Variants in CAMTA1 observed in about 807,000 individuals in gnomAD.
CAMTA1 encodes the protein calmodulin-binding transcription activator 1.
Under a neutral mutation model 170.9 loss-of-function variants are expected in CAMTA1, and 27 were observed. The observed-to-expected ratio is 0.16, with a 90% confidence interval of 0.12 to 0.22. CAMTA1 has a LOEUF of 0.22. CAMTA1 is among the 10% of genes least tolerant of loss of function. The probability of loss-of-function intolerance (pLI) is 1.00; values close to 1 mark genes in which losing one functional copy is unlikely to be tolerated. For missense variants in CAMTA1, 1,619 were observed against 2,217.2 expected (o/e 0.73, Z 5.42); for synonymous variants, 833 against 891.5 (o/e 0.93, Z 1.17).
chr1:7,693,069 T>G (rs2096336408), intron 11 of CAMTA1: 2 of 152,302 alleles, frequency 1.3e-5, no homozygotes, highest in African/African-American at 4.8e-5. Context: ...GTGCAAGTGT[T>G]AATGTATCAG....
chr1:6,907,698 A>G (rs1678839248), intron 3 of CAMTA1, among the ~76,000 whole-genome samples: 1 of 152,100 alleles, frequency 6.6e-6, no homozygotes, highest in Non-Finnish European at 1.5e-5. Flanking sequence ...GGGCGTAAGG[A>G]CGACCACCCC....
At position 7,257,598 on chromosome 1, in the gene CAMTA1, C is replaced by T. The variant is rs769083447; in HGVS notation, c.438+7972C>T. Reference sequence around the variant, plus strand: ...CGAGGGTCTGTGCGTACTCTTGCTACGCAGGCCAGATTGTATGTTGCCAGA... The same window carrying T: ...CGAGGGTCTGTGCGTACTCTTGCTATGCAGGCCAGATTGTATGTTGCCAGA... On this transcript the variant is annotated intron_variant, in intron 5 of 22. Coordinates refer to ENST00000303635, the MANE Select transcript of CAMTA1 (RefSeq NM_015215.4). Among the ~76,000 whole-genome samples the T allele has an allele frequency of 7.8e-4, 119 of 152,120 alleles. 1 individual carries two copies. Among genetic ancestry groups the T allele is most frequent in the Non-Finnish European group, 1.5e-3 (105 of 68,038 alleles).
At chr1:7,283,235 CCCACCTGTGCTTTT>C (rs1671771170) in intron 5 of CAMTA1, among the ~76,000 whole-genome samples, 1 of 152,064 alleles carries the variant, frequency 6.6e-6, no homozygotes, top group Admixed American at 6.5e-5. Context: ...CAGGAGACAC[CCCACCTGTGCTTTT>C]CCACATAATA....
chr1:7,036,723 C>T (rs539770480), intron 3 of CAMTA1, among the ~76,000 whole-genome samples: 4 of 152,180 alleles, frequency 2.6e-5, no homozygotes, highest in African/African-American at 9.7e-5. Flanking sequence ...AACCTATTTT[C>T]GGGCATAGTT....
chr1:7,560,553 T>TA (rs1557917277), intron 6 of CAMTA1, among the ~76,000 whole-genome samples: 1 of 152,172 alleles, frequency 6.6e-6, no homozygotes, highest in Admixed American at 6.5e-5. Context: ...GGGCCATGAG[T>TA]AAGGCCTATG....
intron 6 of CAMTA1, among the ~76,000 whole-genome samples, chr1:7,548,720 G>C (rs1356906529): frequency 1.0e-5 from 1 of 96,692 alleles, no homozygotes; most frequent in African/African-American, 3.2e-5. Context: ...CATGGAGGGT[G>C]CCTCCTTAGG....
At chr1:6,835,362 C>T (rs1350984724) in intron 3 of CAMTA1, among the ~76,000 whole-genome samples, 1 of 152,122 alleles carries the variant, frequency 6.6e-6, no homozygotes, top group Non-Finnish European at 1.5e-5. Flanking sequence ...CCCAGCTCTT[C>T]TCAGTAGTGG....
At chr1:7,711,311 AC>A (rs2096569013) in intron 11 of CAMTA1, among the ~76,000 whole-genome samples, 1 of 152,156 alleles carries the variant, frequency 6.6e-6, no homozygotes, top group Non-Finnish European at 1.5e-5. Context: ...TAATACCATC[AC>A]GTTGGGAGTT....
intron 6 of CAMTA1, among the ~76,000 whole-genome samples, chr1:7,520,478 C>T (rs1057433115): frequency 2.0e-5 from 3 of 151,034 alleles, no homozygotes; most frequent in South Asian, 2.1e-4. Flanking sequence ...CAGTCTCAGG[C>T]GCCCATCCAT....
At chr1:7,241,048 G>A (rs1233764169) in intron 4 of CAMTA1, among the ~76,000 whole-genome samples, 1 of 152,008 alleles carries the variant, frequency 6.6e-6, no homozygotes, top group Non-Finnish European at 1.5e-5. Context: ...CTATCCTAAA[G>A]AATCTACAAA....
chr1:6,867,376 T>G lies in CAMTA1; in HGVS notation c.234+42166T>G, dbSNP rs1666949188. Among the ~76,000 whole-genome samples the G allele has an allele frequency of 2.0e-5, 3 of 152,216 alleles. No individual in the cohort carries two copies. The South Asian group carries it at 6.2e-4, about 32-fold the overall frequency. On this transcript the variant is annotated intron_variant, in intron 3 of 22. Transcript: ENST00000303635. ...TGTGGAAATAATATGATTGTAGGTA[T>G]AGGTTGCTGTAATATTTATAGAAAG...
chr1:7,142,114 G>A (rs753258351), intron 4 of CAMTA1: 4 of 518,600 alleles, frequency 7.7e-6, no homozygotes, highest in East Asian at 5.4e-5. Context: ...ACTTTGTTGG[G>A]GTGAGTGCCC....
intron 6 of CAMTA1, among the ~76,000 whole-genome samples, chr1:7,594,624 AG>A (rs1387072859): frequency 1.3e-5 from 2 of 152,154 alleles, no homozygotes; most frequent in Admixed American, 1.3e-4. Context: ...CAGACAAGAG[AG>A]GGTGGTGACT....
At chr1:7,423,749 C>T (rs368581406) in intron 5 of CAMTA1, among the ~76,000 whole-genome samples, 6 of 152,050 alleles carry the variant, frequency 3.9e-5, no homozygotes, top group East Asian at 3.9e-4. Context: ...CTGTGATGAG[C>T]GAAGGAGGAT....
intron 6 of CAMTA1, among the ~76,000 whole-genome samples, chr1:7,488,787 TATAA>T (rs1311854745): frequency 2.0e-5 from 3 of 151,394 alleles, no homozygotes; most frequent in African/African-American, 4.9e-5. Flanking sequence ...TAATTTGCAA[TATAA>T]ATACACACAT....
At chr1:6,828,826 A>T (rs1648390498) in intron 3 of CAMTA1, among the ~76,000 whole-genome samples, 1 of 146,848 alleles carries the variant, frequency 6.8e-6, no homozygotes, top group Non-Finnish European at 1.5e-5. Context: ...TCTATTGTTT[A>T]CTCTATAGGA....
At chr1:7,448,902 C>T (rs970079569) in intron 5 of CAMTA1, among the ~76,000 whole-genome samples, 4 of 152,242 alleles carry the variant, frequency 2.6e-5, no homozygotes, top group African/African-American at 9.6e-5. Flanking sequence ...CGCCCAGCAG[C>T]ACTGCCTGCT....
At chr1:6,954,230 G>A (rs2149489406) in intron 3 of CAMTA1, among the ~76,000 whole-genome samples, 1 of 152,356 alleles carries the variant, frequency 6.6e-6, no homozygotes, top group Middle Eastern at 3.4e-3. Context: ...GCAGGCCATG[G>A]TTAAGGCTCT....
intron 5 of CAMTA1, among the ~76,000 whole-genome samples, chr1:7,279,305 AG>A (rs1476563247): frequency 6.6e-6 from 1 of 152,146 alleles, no homozygotes; most frequent in African/African-American, 2.4e-5. Context: ...TTCACATGGG[AG>A]GGATGACTTA....
Sources: allele counts gnomAD v4.1 joint callset (sites outside exome capture counted in the v4.1 genomes callset), GRCh38; gene constraint gnomAD v4.1.1; transcripts MANE v1.5; gene names NCBI Gene and HGNC (gene_info 2026-07-23, HGNC 2026-07-21).